VDAC1: variants seen among roughly 807,000 people sequenced by gnomAD.
VDAC1 encodes non-selective voltage-gated ion channel VDAC1.
Under a neutral mutation model 34.7 loss-of-function variants are expected in VDAC1, and 10 were observed. That is an observed-to-expected ratio of 0.29 (90% CI 0.18 to 0.49). VDAC1 has a LOEUF of 0.49. Among genes scored for constraint, VDAC1 ranks in the 20% least tolerant of loss-of-function variants. The pLI is 0.99. For synonymous variants in VDAC1, 130 were observed against 136.0 expected (o/e 0.96, Z 0.30); for missense variants, 230 against 347.9 (o/e 0.66, Z 2.69).
chr5:134,084,269 G>A, the VDAC1 span, among the ~76,000 whole-genome samples: 1 of 152,176 alleles, frequency 6.6e-6, no homozygotes, highest in African/African-American at 2.4e-5. Context: ...GGTAGGAAGA[G>A]TCTACTGGAG....
chr5:134,007,250 A>G (rs1490395813), upstream of VDAC1, among the ~76,000 whole-genome samples: 2 of 82,274 alleles, frequency 2.4e-5, no homozygotes, highest in African/African-American at 4.0e-5. Flanking sequence ...GCCAAAAAAA[A>G]AAAAAAAGAA....
the VDAC1 span, among the ~76,000 whole-genome samples, chr5:134,073,327 G>A: frequency 2.0e-5 from 3 of 152,176 alleles, no homozygotes; most frequent in African/African-American, 2.4e-5. Flanking sequence ...CAGGGGCATC[G>A]CATGGGAACT....
At chr5:134,108,340 T>C in the VDAC1 span, among the ~76,000 whole-genome samples, 1 of 152,074 alleles carries the variant, frequency 6.6e-6, no homozygotes, top group Admixed American at 6.5e-5. Context: ...GCTTGGCCCA[T>C]GTTAGTATCC....
the VDAC1 span, among the ~76,000 whole-genome samples, chr5:134,086,050 G>C: frequency 2.2e-4 from 33 of 152,228 alleles, no homozygotes; most frequent in Admixed American, 4.6e-4. Flanking sequence ...AAAAAATGTA[G>C]CCGGGTGTGA....
At chr5:134,002,965 C>A (rs75033218) in intron 1 of VDAC1, among the ~76,000 whole-genome samples, 14 of 146,166 alleles carry the variant, frequency 9.6e-5, no homozygotes, top group East Asian at 2.0e-4. Context: ...GACCCTGTCT[C>A]AAAAAAAAAA....
At chr5:134,080,343 G>A in the VDAC1 span, among the ~76,000 whole-genome samples, 1 of 152,214 alleles carries the variant, frequency 6.6e-6, no homozygotes, top group African/African-American at 2.4e-5. Flanking sequence ...AGATGCCAGG[G>A]CCCAGGACTC....
chr5:134,023,099 A>G, the VDAC1 span, among the ~76,000 whole-genome samples: 2 of 152,250 alleles, frequency 1.3e-5, no homozygotes, highest in African/African-American at 4.8e-5. Flanking sequence ...GATATACTGT[A>G]TAAAGAAAAC....
the VDAC1 span, among the ~76,000 whole-genome samples, chr5:134,029,135 C>T: frequency 6.6e-6 from 1 of 152,168 alleles, no homozygotes; most frequent in African/African-American, 2.4e-5. Context: ...GAAGTGGGTG[C>T]CCATCTAACA....
the VDAC1 span, among the ~76,000 whole-genome samples, chr5:134,073,850 T>G: frequency 2.6e-5 from 4 of 152,194 alleles, no homozygotes; most frequent in African/African-American, 9.7e-5. Context: ...AAAATTATTT[T>G]TGTATCTACA....
At chr5:134,094,014 C>A in the VDAC1 span, among the ~76,000 whole-genome samples, 2 of 152,236 alleles carry the variant, frequency 1.3e-5, no homozygotes, top group East Asian at 3.8e-4. Flanking sequence ...TAGCATCAAC[C>A]CCACTGAAAT....
At chr5:134,048,945 T>C in the VDAC1 span, among the ~76,000 whole-genome samples, 1 of 152,332 alleles carries the variant, frequency 6.6e-6, no homozygotes, top group East Asian at 1.9e-4. Flanking sequence ...GGATAATGTT[T>C]CTATGTTACA....
chr5:134,055,078 C>G, the VDAC1 span, among the ~76,000 whole-genome samples: 16 of 152,342 alleles, frequency 1.1e-4, no homozygotes, highest in South Asian at 3.3e-3. Context: ...GGATGGCTGC[C>G]CTGGTGGTGC....
chr5:133,976,058 G>C, intron 6 of VDAC1, 37 bp from the exon 7 acceptor site: 1 of 1,613,366 alleles, frequency 6.2e-7, no homozygotes, highest in Non-Finnish European at 8.5e-7. Context: ...GAGCTTCCCA[G>C]GGAGGTGAGC....
At chr5:134,053,110 C>T in the VDAC1 span, among the ~76,000 whole-genome samples, 3 of 147,860 alleles carry the variant, frequency 2.0e-5, no homozygotes, top group East Asian at 2.1e-4. Flanking sequence ...AGTGAAACTC[C>T]GTCTCAAAAA....
the VDAC1 span, among the ~76,000 whole-genome samples, chr5:134,019,728 C>T: frequency 2.2e-3 from 341 of 152,328 alleles, 1 homozygote; most frequent in Middle Eastern, 0.017. Context: ...CAACCCCCAT[C>T]ACATACGCAC....
the VDAC1 span, among the ~76,000 whole-genome samples, chr5:134,016,795 C>T: frequency 6.6e-6 from 1 of 152,232 alleles, no homozygotes; most frequent in African/African-American, 2.4e-5. Flanking sequence ...TGCTGGCTTT[C>T]AGGCACTGTC....
At chr5:134,086,653 TCTC>T in the VDAC1 span, among the ~76,000 whole-genome samples, 11 of 152,210 alleles carry the variant, frequency 7.2e-5, no homozygotes, top group Admixed American at 2.0e-4. Flanking sequence ...GCTTTTTTCT[TCTC>T]CTTCTTTTTC....
chr5:134,076,678 C>T, the VDAC1 span, among the ~76,000 whole-genome samples: 3 of 152,140 alleles, frequency 2.0e-5, no homozygotes, highest in African/African-American at 4.8e-5. Context: ...GCTCAAGACA[C>T]GGCCCTCCTC....
chr5:134,111,902 G>A, the VDAC1 span, among the ~76,000 whole-genome samples: 1 of 152,186 alleles, frequency 6.6e-6, no homozygotes, highest in African/African-American at 2.4e-5. Flanking sequence ...CTGAGCTTCA[G>A]TTTCCTCATT....
Sources: allele counts gnomAD v4.1 joint callset (sites outside exome capture counted in the v4.1 genomes callset), GRCh38; gene constraint gnomAD v4.1.1; transcripts MANE v1.5; gene names NCBI Gene and HGNC (gene_info 2026-07-23, HGNC 2026-07-21).